ABCG8: variants seen among roughly 807,000 people sequenced by gnomAD.
The protein encoded by ABCG8 is ATP-binding cassette sub-family G member 8.
In ABCG8, 81 loss-of-function variants were observed where a neutral mutation model predicts 71.3. The ratio of observed to expected loss-of-function variants is 1.14; its 90% CI spans 0.95 to 1.37. The LOEUF (loss-of-function observed/expected upper bound fraction) is 1.37. Among genes scored for constraint, ABCG8 ranks in the 40% most tolerant of loss-of-function variants. The pLI, the probability that ABCG8 is intolerant of heterozygous loss-of-function variation, is 0.00. For missense variants in ABCG8, 1,119 were observed against 866.2 expected, an observed-to-expected ratio of 1.29 and a Z score of -3.66; for synonymous variants, 451 against 354.7, an observed-to-expected ratio of 1.27 and a Z score of -3.05.
At chr2:43,841,817 T>C (rs1668588444) in intron 1 of ABCG8, among the ~76,000 whole-genome samples, 1 of 152,168 alleles carries the variant, frequency 6.6e-6, no homozygotes, top group African/African-American at 2.4e-5. Flanking sequence ...CACACATTGC[T>C]CCAGACTCCA....
At chr2:43,862,393 A>G (rs1228399615) in intron 6 of ABCG8, among the ~76,000 whole-genome samples, 4 of 151,074 alleles carry the variant, frequency 2.6e-5, no homozygotes, top group Admixed American at 2.6e-4. Context: ...TCTGGATAGA[A>G]CTCTCACTAT....
At position 43,839,028 on chromosome 2, in the gene ABCG8, C is replaced by T; in HGVS notation, c.-26C>T. 5 of 1,550,012 alleles carry T rather than the reference C, an allele frequency of 3.2e-6. No homozygotes were observed. The highest frequency in any genetic ancestry group is 4.4e-6 in the Non-Finnish European group (5 of 1,146,254). ...GCAGCTGGGTCTAAGAGAGCTGCAGCCCAGGGTCACAGACCTGTGGGCCCC... is the reference window on the plus strand; with the variant it reads ...GCAGCTGGGTCTAAGAGAGCTGCAGTCCAGGGTCACAGACCTGTGGGCCCC... On this transcript the variant is annotated 5_prime_UTR_variant, in exon 1 of 13. Transcript: ENST00000272286.
In ABCG8 at chr2:43,839,131, G is replaced by T; in HGVS notation, c.63+15G>T. 6.4e-7 allele frequency: 1 copy of T among 1,550,530 alleles called. No individual in the cohort carries two copies. Reference sequence around the variant, plus strand: ...AGGATACCTCGGTGAGTGAGCAATGGGAAGTCGGCCCAGGCCTGGTGGGCG... The same window carrying T: ...AGGATACCTCGGTGAGTGAGCAATGTGAAGTCGGCCCAGGCCTGGTGGGCG... On this transcript the variant is annotated intron_variant, in intron 1 of 12. Coordinates refer to ENST00000272286, the MANE Select transcript of ABCG8 (RefSeq NM_022437.3).
Position 43,864,196 on chromosome 2 carries a change from AT to A in ABCG8, c.965-7779del, listed in dbSNP as rs571783930. 9.2e-5 allele frequency among the ~76,000 whole-genome samples: 14 copies of A among 151,590 alleles called. No homozygotes were observed. The South Asian group carries it at 2.7e-3, about 29-fold the overall frequency. ...TGGATAGAACTCTCACTCTCTCTAT[AT>A]ATAGAATTCCCACGATCTGGATAGA... On this transcript the variant is annotated intron_variant, in intron 6 of 12. Coordinates refer to ENST00000272286, the MANE Select transcript of ABCG8 (RefSeq NM_022437.3).
intron 6 of ABCG8, among the ~76,000 whole-genome samples, chr2:43,867,767 C>G (rs1669583727): frequency 6.6e-6 from 1 of 152,122 alleles, no homozygotes; most frequent in African/African-American, 2.4e-5. Context: ...CTGTCACTAT[C>G]TGGAAGGAAT....
In ABCG8 at chr2:43,857,245, C is replaced by A. The variant is rs117940245; in HGVS notation, c.964+4377C>A. 4.5e-4 allele frequency among the ~76,000 whole-genome samples: 67 copies of A among 150,160 alleles called. No individual in the cohort carries two copies. In the East Asian group the frequency reaches 4.9e-3, roughly 11 times the overall value. On this transcript the variant is annotated intron_variant, in intron 6 of 12. Coordinates refer to ENST00000272286, the MANE Select transcript of ABCG8 (RefSeq NM_022437.3). ...CTATCTGTCTGGATAGAATTCTCACCATCTGGACAGAACTCTCACTATCGG... is the reference window on the plus strand; with the variant it reads ...CTATCTGTCTGGATAGAATTCTCACAATCTGGACAGAACTCTCACTATCGG...
chr2:43,847,332 A>G (rs778644523), intron 3 of ABCG8: 2 of 152,152 alleles, frequency 1.3e-5, no homozygotes, highest in South Asian at 4.1e-4. Context: ...GTATAAATGC[A>G]CTTTGTAACT....
chr2:43,873,889 T>C lies in ABCG8; in HGVS notation c.1314T>C (p.His438=). 6 of 1,614,120 alleles carry C rather than the reference T, an allele frequency of 3.7e-6. No homozygotes were observed. Among genetic ancestry groups the C allele is most frequent in the Non-Finnish European group, 5.1e-6 (6 of 1,180,008 alleles). ...CCATCGGCTTCCTCTATTTTGGCCA[T>C]GGGAGCATCCAGCTCTCCTTCATGG... is the stretch of plus-strand genomic sequence containing the variant. ...SMTIGFLYFG[H]GSIQLSFMDT... The change falls in exon 9 of 13, where the codon CAT becomes CAC. Residue 438 remains histidine (H), a synonymous_variant. Coordinates refer to ENST00000272286, the MANE Select transcript of ABCG8 (RefSeq NM_022437.3).
At chr2:43,854,972 G>C (rs184906567) in intron 6 of ABCG8, among the ~76,000 whole-genome samples, 4 of 152,198 alleles carry the variant, frequency 2.6e-5, no homozygotes, top group African/African-American at 4.8e-5. Context: ...TCCTGGGGCA[G>C]AGCAGCCGAC....
rs1558811865 is a variant in ABCG8 at position 43,852,720 on chromosome 2, T to C, written c.816T>C (p.Pro272=). Reference sequence around the variant, plus strand: ...TGGTGCTCATCTCCCTCCACCAGCCTCGCTCTGACATCTTCAGGCTGTTTG... The same window carrying C: ...TGGTGCTCATCTCCCTCCACCAGCCCCGCTCTGACATCTTCAGGCTGTTTG... ...NRLVLISLHQ[P]RSDIFRLFDL... The change falls in exon 6 of 13, where the codon CCT becomes CCC. Residue 272 remains proline (P), a synonymous_variant. Transcript: ENST00000272286. The C allele has an allele frequency of 3.1e-6, 5 of 1,614,174 alleles. No homozygotes were observed. Among genetic ancestry groups the C allele is most frequent in the Non-Finnish European group, 4.2e-6 (5 of 1,180,028 alleles).
intron 1 of ABCG8, among the ~76,000 whole-genome samples, chr2:43,841,985 C>T (rs563487824): frequency 3.3e-5 from 5 of 151,850 alleles, no homozygotes; most frequent in South Asian, 2.1e-4. Context: ...GCATGTTAGC[C>T]CACATGAGTC....
chr2:43,853,884 A>G (rs941105262), intron 6 of ABCG8, among the ~76,000 whole-genome samples: 4 of 152,064 alleles, frequency 2.6e-5, no homozygotes, highest in Non-Finnish European at 5.9e-5. Flanking sequence ...TCCTTCCCCC[A>G]GGAGGACAGG....
In ABCG8 at chr2:43,877,506, G is replaced by A. The variant is rs1403821090; in HGVS notation, c.1757-55G>A. On this transcript the variant is annotated intron_variant, in intron 11 of 12. Coordinates refer to ENST00000272286, the MANE Select transcript of ABCG8 (RefSeq NM_022437.3). ...TATGGGGGAGACCATGCGAATATGG[G>A]GAAACCATGAGAATATGAGGGACAC... 6.2e-6 allele frequency: 10 copies of A among 1,611,442 alleles called. No individual in the cohort carries two copies. The South Asian group carries it at 8.8e-5, about 14-fold the overall frequency.
intron 3 of ABCG8, chr2:43,848,676 C>G (rs1668819305): frequency 1.3e-5 from 2 of 152,126 alleles, no homozygotes; most frequent in Admixed American, 1.3e-4. Flanking sequence ...CTCCCCCTGC[C>G]CAACATACAC....
At chr2:43,874,326 G>T in intron 9 of ABCG8, 81 bp from the exon 10 acceptor site, 2 of 1,175,586 alleles carry the variant, frequency 1.7e-6, no homozygotes, top group Non-Finnish European at 2.6e-6. Context: ...ACTTTGAATT[G>T]TATTAAGAGA....
chr2:43,850,929 AAAAGT>A (rs1668894716), intron 3 of ABCG8, among the ~76,000 whole-genome samples: 1 of 152,014 alleles, frequency 6.6e-6, no homozygotes, highest in South Asian at 2.1e-4. Flanking sequence ...AAAAAAAAGA[AAAAGT>A]AAAAGTACCA....
At chr2:43,842,484 A>G (rs1668610477) in intron 1 of ABCG8, among the ~76,000 whole-genome samples, 1 of 152,066 alleles carries the variant, frequency 6.6e-6, no homozygotes, top group African/African-American at 2.4e-5. Flanking sequence ...AGCTTGGGGC[A>G]CAGACCTTCT....
At chr2:43,852,906 C>A in intron 6 of ABCG8, 38 bp downstream of exon 6, 1 of 1,608,512 alleles carries the variant, frequency 6.2e-7, no homozygotes, top group South Asian at 1.1e-5. Context: ...CCCTGGCACA[C>A]AGGGCCTCCC....
rs1312486751 is a variant in ABCG8 at position 43,873,934 on chromosome 2, C to T, written c.1359C>T (p.Phe453=). 6.2e-7 allele frequency: 1 copy of T among 1,614,012 alleles called. No homozygotes were observed. The highest frequency in any genetic ancestry group is 8.5e-7 in the Non-Finnish European group (1 of 1,180,044). The part of the protein sequence containing the change: ...LSFMDTAALL[F]MIGALIPFNV... ...TCATGGATACAGCCGCCCTCTTGTT[C>T]ATGATCGGTGCTCTCATCCCTTTCA... is the stretch of plus-strand genomic sequence containing the variant. The change falls in exon 9 of 13, where the codon TTC becomes TTT. Residue 453 remains phenylalanine (F), a synonymous_variant. Coordinates refer to ENST00000272286, the MANE Select transcript of ABCG8 (RefSeq NM_022437.3).
Sources: allele counts gnomAD v4.1 joint callset (sites outside exome capture counted in the v4.1 genomes callset), GRCh38; gene constraint gnomAD v4.1.1; transcripts MANE v1.5; gene names NCBI Gene and HGNC (gene_info 2026-07-23, HGNC 2026-07-21).